The following HNRNPH2 variants were observed in gnomAD, a reference collection of about 807,000 sequenced individuals.
The protein encoded by HNRNPH2 is FTP-3.
For synonymous variants in HNRNPH2, 128 were observed against 128.2 expected (o/e 1.00, Z 0.01); for missense variants, 115 against 352.9 (o/e 0.33, Z 5.40).
In HNRNPH2 at chrX:101,411,678, G is replaced by C. The variant is rs781904037; in HGVS notation, c.-53-258G>C. Among the ~76,000 whole-genome samples the C allele has an allele frequency of 2.4e-4, 26 of 110,395 alleles. No individual in the cohort carries two copies. In the East Asian group the frequency reaches 7.1e-3, roughly 30 times the overall value. ...GATACACCCACCTCAGCCTCCCAAA[G>C]TGCTGGGATTACAGGCGTGAGCCAC... On this transcript the variant is annotated intron_variant, in intron 1 of 1. Coordinates refer to ENST00000316594, the MANE Select transcript of HNRNPH2 (RefSeq NM_019597.5).
At chrX:101,408,986 C>T (rs187197093) in intron 1 of HNRNPH2, among the ~76,000 whole-genome samples, 272 of 111,041 alleles carry the variant, frequency 2.4e-3, no homozygotes, top group African/African-American at 7.3e-3. Flanking sequence ...AAATTCTTAA[C>T]TCACAAAGAG....
chrX:101,411,567 C>T (rs1385332215), intron 1 of HNRNPH2, among the ~76,000 whole-genome samples: 2 of 108,277 alleles, frequency 1.8e-5, no homozygotes, highest in Non-Finnish European at 3.8e-5. Context: ...GCACCTGCCA[C>T]CACGCCCAGC....
intron 1 of HNRNPH2, among the ~76,000 whole-genome samples, chrX:101,408,836 TATTCA>T (rs1242694111): frequency 1.8e-5 from 2 of 112,288 alleles, no homozygotes; most frequent in Admixed American, 9.4e-5. Flanking sequence ...ACAATCTACA[TATTCA>T]ATTTCGAACA....
In HNRNPH2 at chrX:101,411,916, CTTCT is replaced by C; in HGVS notation, c.-53-17_-53-14del. The C allele has an allele frequency of 9.0e-7, 1 of 1,110,306 alleles. No individual in the cohort carries two copies. The highest frequency in any genetic ancestry group is 1.2e-6 in the Non-Finnish European group (1 of 839,337). The allele number at this position is 1,110,306 out of a possible 1,213,427, so 91.5% of individuals were successfully genotyped here. A position where few individuals can be genotyped will look rare whatever the true frequency, so the allele number is the denominator to read the frequency against. ...ACGAGCATTTTTCCATGACAGTAGT[CTTCT>C]TTTTTTTTTTTTCAGCTACACCAAA... On this transcript the variant is annotated splice_polypyrimidine_tract_variant and intron_variant, in intron 1 of 1. Transcript: ENST00000316594.
chrX:101,411,118 C>T (rs1928776941), intron 1 of HNRNPH2, among the ~76,000 whole-genome samples: 1 of 111,198 alleles, frequency 9.0e-6, no homozygotes, highest in African/African-American at 3.3e-5. Context: ...ATGCCAGAGC[C>T]GAATATTGGA....
At chrX:101,411,912 T>C (rs1555988227) in intron 1 of HNRNPH2, 24 bp from the exon 2 acceptor site, 1 of 1,130,856 alleles carries the variant, frequency 8.8e-7, no homozygotes, top group African/African-American at 1.9e-5. Context: ...TCCATGACAG[T>C]AGTCTTCTTT....
rs1555988369 is a variant in HNRNPH2 at position 101,412,351 on chromosome X, C to T, written c.363C>T (p.Gly121=). The T allele has an allele frequency of 1.7e-6, 2 of 1,210,669 alleles. No homozygotes were observed. The highest frequency in any genetic ancestry group is 2.2e-6 in the Non-Finnish European group (2 of 895,312). Residue 121 remains glycine (G), a synonymous_variant, in exon 2 of 2, where the codon GGC becomes GGT. Transcript: ENST00000316594. ...GFVRLRGLPF[G]CSKEEIVQFF... The stretch of plus-strand genomic sequence containing the variant: ...TCCGGCTTAGAGGACTCCCATTTGG[C>T]TGTAGCAAGGAAGAGATTGTTCAGT...
chrX:101,409,320 T>A lies in HNRNPH2; in HGVS notation c.-54+1001T>A, dbSNP rs3027578. ...AAATCGTTTCCTCAGTGTAGTTTTA[T>A]GGCCGTTATTACACTTTGTACTTTG... On this transcript the variant is annotated intron_variant, in intron 1 of 1. Transcript: ENST00000316594. Among the ~76,000 whole-genome samples the A allele has an allele frequency of 8.4e-3, 945 of 112,449 alleles. 2 individuals carry two copies. The highest frequency in any genetic ancestry group is 0.014 in the Non-Finnish European group (741 of 53,282).
chrX:101,411,092 G>A (rs3027576), intron 1 of HNRNPH2, among the ~76,000 whole-genome samples: 7,408 of 111,094 alleles, frequency 0.067, 643 homozygotes, highest in African/African-American at 0.23. Flanking sequence ...CCCATTCTGG[G>A]CTTATTGATT....
At chrX:101,411,796 T>G (rs1555988206) in intron 1 of HNRNPH2, 140 bp from the exon 2 acceptor site, 3 of 577,768 alleles carry the variant, frequency 5.2e-6, no homozygotes, top group Non-Finnish European at 7.8e-6. Flanking sequence ...AGTTAAAAAT[T>G]TGGTGAACTC....
Position 101,412,862 on chromosome X carries a change from C to T in HNRNPH2, c.874C>T (p.His292Tyr). The T allele has an allele frequency of 8.3e-7, 1 of 1,208,745 alleles. No individual in the cohort carries two copies. Among genetic ancestry groups the T allele is most frequent in the Non-Finnish European group, 1.1e-6 (1 of 892,972 alleles). ...SFQSTTGHCV[H>Y]MRGLPYRATE... Reference sequence around the variant, plus strand: ...CCAGAGCACCACAGGGCACTGTGTACACATGAGGGGGTTACCTTACAGAGC... The same window carrying T: ...CCAGAGCACCACAGGGCACTGTGTATACATGAGGGGGTTACCTTACAGAGC... Residue 292 changes from histidine to tyrosine, a missense_variant, in exon 2 of 2, where the codon CAC becomes TAC. By Grantham distance (83) the His-to-Tyr change is moderately conservative. Coordinates refer to ENST00000316594, the MANE Select transcript of HNRNPH2 (RefSeq NM_019597.5).
chrX:101,413,864 C>T lies in HNRNPH2; in HGVS notation c.*526C>T, dbSNP rs782352471. 1.1e-4 allele frequency: 13 copies of T among 122,579 alleles called. No homozygotes were observed. Among genetic ancestry groups the T allele is most frequent in the Non-Finnish European group, 1.5e-4 (8 of 53,235 alleles). 10.1% of individuals were successfully genotyped at this position (122,579 alleles called of 1,213,427 possible). On this transcript the variant is annotated 3_prime_UTR_variant, in exon 2 of 2. Transcript: ENST00000316594. ...AACTCAAATATAGGAGCTGTGTCTA[C>T]GATTCAAAGTGAAAACATTTGGCAT... is the stretch of plus-strand genomic sequence containing the variant.
At position 101,411,393 on chromosome X, in the gene HNRNPH2, T is replaced by C. The variant is rs782110169; in HGVS notation, c.-53-543T>C. 2.9e-4 allele frequency among the ~76,000 whole-genome samples: 31 copies of C among 105,123 alleles called. No individual in the cohort carries two copies. In the East Asian group the frequency reaches 8.9e-3, roughly 30 times the overall value. The allele number at this position is 105,123 out of a possible 115,157, so 91.3% of individuals were successfully genotyped here. ...TATTTGTTGACATCTCCCACTGATT[T>C]GTTGCTGTTAATTTTTTTTTTTTTT... On this transcript the variant is annotated intron_variant, in intron 1 of 1. Transcript: ENST00000316594.
At chrX:101,409,963 G>A (rs782591866) in intron 1 of HNRNPH2, among the ~76,000 whole-genome samples, 1 of 111,375 alleles carries the variant, frequency 9.0e-6, no homozygotes, top group Admixed American at 9.5e-5. Flanking sequence ...TACTAACAGT[G>A]CTGCAAGGAA....
rs782191163 is a variant in HNRNPH2 at position 101,412,328 on chromosome X, C to A, written c.340C>A (p.Arg114=). The A allele has an allele frequency of 6.6e-6, 8 of 1,211,283 alleles. No individual in the cohort carries two copies. The East Asian group carries it at 2.4e-4, about 36-fold the overall frequency. The part of the protein sequence containing the change: ...SPDTANDGFV[R]LRGLPFGCSK... ...TGATACTGCCAACGATGGCTTCGTCCGGCTTAGAGGACTCCCATTTGGCTG... is the reference window on the plus strand; with the variant it reads ...TGATACTGCCAACGATGGCTTCGTCAGGCTTAGAGGACTCCCATTTGGCTG... Residue 114 remains arginine, a synonymous_variant, in exon 2 of 2, where the codon CGG becomes AGG. Coordinates refer to ENST00000316594, the MANE Select transcript of HNRNPH2 (RefSeq NM_019597.5).
intron 1 of HNRNPH2, among the ~76,000 whole-genome samples, chrX:101,410,774 G>A (rs1466419614): frequency 2.7e-5 from 3 of 111,574 alleles, no homozygotes; most frequent in Non-Finnish European, 5.6e-5. Context: ...CGGTTTAAAA[G>A]TCTTAAAAGG....
rs1928860441 is a variant in HNRNPH2 at position 101,413,212 on chromosome X, T to C, written c.1224T>C (p.Tyr408=). ...GGMGLSNQSS[Y]GGPASQQLSG... ...TGGGCTTATCCAACCAGTCTAGTTA[T>C]GGAGGTCCTGCTAGCCAGCAGCTGA... The change falls in exon 2 of 2, where the codon TAT becomes TAC. Residue 408 remains tyrosine (Y), a synonymous_variant. Transcript: ENST00000316594. 3 of 1,211,786 alleles carry C rather than the reference T, an allele frequency of 2.5e-6. No individual in the cohort carries two copies. The highest frequency in any genetic ancestry group is 1.7e-5 in the African/African-American group (1 of 57,783).
In HNRNPH2 at chrX:101,413,710, G is replaced by T. The variant is rs1228216197; in HGVS notation, c.*372G>T. On this transcript the variant is annotated 3_prime_UTR_variant, in exon 2 of 2. Coordinates refer to ENST00000316594, the MANE Select transcript of HNRNPH2 (RefSeq NM_019597.5). ...TTTTAGCTTTCCTCAAGTTAGTTAT[G>T]TTGTAGGAGTGTACCTAAGCAGTAA... The T allele has an allele frequency of 6.9e-6, 1 of 145,184 alleles. No individual in the cohort carries two copies. Among genetic ancestry groups the T allele is most frequent in the Non-Finnish European group, 1.5e-5 (1 of 67,417 alleles). 12.0% of individuals were successfully genotyped at this position (145,184 alleles called of 1,213,427 possible). A position where few individuals can be genotyped will look rare whatever the true frequency, so the allele number is the denominator to read the frequency against.
At position 101,413,487 on chromosome X, in the gene HNRNPH2, T is replaced by A; in HGVS notation, c.*149T>A. On this transcript the variant is annotated 3_prime_UTR_variant, in exon 2 of 2. Transcript: ENST00000316594. ...CTGATCACTCTTGGTCAGCTTCTCT[T>A]TCTTTATCTTTCTTTCTCCTTTTTT... The A allele has an allele frequency of 2.3e-6, 1 of 426,504 alleles. No individual in the cohort carries two copies. The highest frequency in any genetic ancestry group is 3.9e-6 in the Non-Finnish European group (1 of 258,392). The allele number at this position is 426,504 out of a possible 1,213,427, so 35.1% of individuals were successfully genotyped here. A position where few individuals can be genotyped will look rare whatever the true frequency, so the allele number is the denominator to read the frequency against.
Sources: gnomAD v4.1 joint callset for allele counts (sites outside exome capture counted in the v4.1 genomes callset) on GRCh38, gnomAD v4.1.1 for gene constraint, MANE v1.5 for transcripts, NCBI Gene and HGNC (gene_info 2026-07-23, HGNC 2026-07-21) for gene names.